RDX: variants seen among roughly 807,000 people sequenced by gnomAD.
RDX encodes radixin.
A neutral mutation model predicts 83.7 loss-of-function variants in RDX; 32 were observed. The ratio of observed to expected loss-of-function variants is 0.38; its 90% confidence interval spans 0.29 to 0.51. The LOEUF is 0.51. Ranked by LOEUF, RDX falls within the 20% of genes least tolerant of loss-of-function variation. RDX has a pLI of 0.87. For synonymous variants in RDX, 229 were observed against 222.7 expected, an observed-to-expected ratio of 1.03 and a Z score of -0.25; for missense variants, 600 against 689.9, an observed-to-expected ratio of 0.87 and a Z score of 1.46.
intron 3 of RDX, among the ~76,000 whole-genome samples, chr11:110,268,311 GGA>G (rs1055454326): frequency 1.4e-4 from 19 of 131,812 alleles, no homozygotes; most frequent in Admixed American, 3.0e-4. Context: ...TCTGTTTCGG[GGA>G]AAAAAAAAAA....
intron 2 of RDX, among the ~76,000 whole-genome samples, chr11:110,275,305 T>C (rs1860467858): frequency 6.6e-6 from 1 of 152,314 alleles, no homozygotes; most frequent in African/African-American, 2.4e-5. Flanking sequence ...ACAGGAAGAT[T>C]ATCTAGGAGG....
intron 15 of RDX, among the ~76,000 whole-genome samples, chr11:110,187,443 C>G (rs1222204627): frequency 6.6e-6 from 1 of 152,168 alleles, no homozygotes; most frequent in Non-Finnish European, 1.5e-5. Flanking sequence ...ACCCAGATAG[C>G]CTGAGTTACT....
chr11:110,259,694 C>T (rs1337171016), intron 5 of RDX, among the ~76,000 whole-genome samples: 1 of 152,190 alleles, frequency 6.6e-6, no homozygotes, highest in East Asian at 1.9e-4. Flanking sequence ...TGTCTGGCCT[C>T]TGGGCTCACA....
chr11:110,292,195 A>C (rs980131485), intron 1 of RDX, among the ~76,000 whole-genome samples: 12 of 152,042 alleles, frequency 7.9e-5, no homozygotes, highest in Non-Finnish European at 1.5e-5. Flanking sequence ...AGGGAAGCTG[A>C]GGCAGGAGAA....
At chr11:110,205,294 A>G (rs963824879) in intron 14 of RDX, among the ~76,000 whole-genome samples, 2 of 152,168 alleles carry the variant, frequency 1.3e-5, no homozygotes, top group Admixed American at 1.3e-4. Context: ...AGATGAAAAT[A>G]TAGGAAAATA....
In RDX at chr11:110,205,981, C is replaced by T. The variant is rs541732868; in HGVS notation, c.1749-6303G>A. ...TACTCGTAACAATCCTATAGCCAGA[C>T]GCAGTGGCTCATGCCTGTAATCCCA... On this transcript the variant is annotated intron_variant, in intron 14 of 15. Transcript: ENST00000528498. Among the ~76,000 whole-genome samples, 6 of 152,196 alleles carry T rather than the reference C, an allele frequency of 3.9e-5. No individual in the cohort carries two copies. The East Asian group carries it at 5.8e-4, about 15-fold the overall frequency.
chr11:110,215,047 A>ATATATAT lies in RDX; in HGVS notation c.1749-15370_1749-15369insATATATA, dbSNP rs1555033344. On this transcript the variant is annotated intron_variant, in intron 14 of 15. Transcript: ENST00000528498. ...TTTAGGAGACCTAACAAAAAAAAAA[A>ATATATAT]AAATATATATATATATATATATAAT... Among the ~76,000 whole-genome samples, 10 of 116,054 alleles carry ATATATAT rather than the reference A, an allele frequency of 8.6e-5. No homozygotes were observed. In the South Asian group the frequency reaches 2.6e-3, roughly 30 times the overall value. The allele number at this position is 116,054 out of a possible 152,430, so 76.1% of individuals were successfully genotyped here.
chr11:110,235,576 C>A lies in RDX; in HGVS notation c.1344+523G>T, dbSNP rs186261070. ...CAATCCTGTTTTGAAATCTTCTAAG[C>A]CCCAAGTCAATCGATACTCCCACTG... On this transcript the variant is annotated intron_variant, in intron 12 of 13. Transcript: ENST00000645495. Among the ~76,000 whole-genome samples the A allele has an allele frequency of 1.3e-3, 199 of 152,282 alleles. 5 individuals carry two copies. Among genetic ancestry groups the A allele is most frequent in the Admixed American group, 0.013 (192 of 15,284 alleles).
chr11:110,214,529 G>A (rs1167232215), intron 14 of RDX, among the ~76,000 whole-genome samples: 58 of 105,146 alleles, frequency 5.5e-4, no homozygotes, highest in South Asian at 1.5e-3. Flanking sequence ...CTGCTATAAA[G>A]ACACATGCAC....
Position 110,230,893 on chromosome 11 carries a change from T to G in RDX, c.*976A>C, listed in dbSNP as rs1591130618. 1 of 152,742 alleles carries G rather than the reference T, an allele frequency of 6.5e-6. No individual in the cohort carries two copies. Among genetic ancestry groups the G allele is most frequent in the East Asian group, 1.9e-4 (1 of 5,180 alleles). 9.5% of individuals were successfully genotyped at this position (152,742 alleles called of 1,614,324 possible). A position where few individuals can be genotyped will look rare whatever the true frequency, so the allele number is the denominator to read the frequency against. ...AGTCATCACAGATGTAGTAGTGAGGTAGTATTGTTGTCCCCTCCTCGGGAC... is the reference window on the plus strand; with the variant it reads ...AGTCATCACAGATGTAGTAGTGAGGGAGTATTGTTGTCCCCTCCTCGGGAC... On this transcript the variant is annotated 3_prime_UTR_variant, in exon 14 of 14. Coordinates refer to ENST00000645495, the MANE Select transcript of RDX (RefSeq NM_002906.4).
intron 14 of RDX, among the ~76,000 whole-genome samples, chr11:110,208,454 C>T (rs577537252): frequency 3.9e-5 from 6 of 152,254 alleles, no homozygotes; most frequent in African/African-American, 9.6e-5. Context: ...TCCTCAACCT[C>T]GAATTTTCTC....
chr11:110,184,531 T>G (rs912141452), intron 15 of RDX, among the ~76,000 whole-genome samples: 1 of 152,162 alleles, frequency 6.6e-6, no homozygotes, highest in East Asian at 1.9e-4. Flanking sequence ...CTGCTCTGAC[T>G]GATGGAAATC....
chr11:110,219,349 A>G (rs944442006), intron 14 of RDX, among the ~76,000 whole-genome samples: 1 of 152,252 alleles, frequency 6.6e-6, no homozygotes. Context: ...AGAATAGATT[A>G]GGCTGCAAAT....
At chr11:110,184,263 G>A (rs141409818) in intron 15 of RDX, among the ~76,000 whole-genome samples, 219 of 152,276 alleles carry the variant, frequency 1.4e-3, no homozygotes, top group African/African-American at 4.8e-3. Context: ...AAGAGAACTC[G>A]CTATATGACT....
At chr11:110,228,132 T>C (rs1261047329), downstream of RDX, among the ~76,000 whole-genome samples, 2 of 151,946 alleles carry the variant, frequency 1.3e-5, no homozygotes, top group African/African-American at 2.4e-5. Flanking sequence ...TAAGGAAAAA[T>C]TGGGAGTTAA....
chr11:110,227,088 AAAAGG>A (rs1864458757), downstream of RDX, among the ~76,000 whole-genome samples: 2 of 152,170 alleles, frequency 1.3e-5, 1 homozygote, highest in South Asian at 4.1e-4. Flanking sequence ...CAATATATAT[AAAAGG>A]AAAGTGAGGG....
At chr11:110,181,046 A>G (rs1862876907) in intron 15 of RDX, among the ~76,000 whole-genome samples, 2 of 151,996 alleles carry the variant, frequency 1.3e-5, no homozygotes, top group South Asian at 4.2e-4. Context: ...AAACTGCTTC[A>G]TTGCCCCATT....
intron 14 of RDX, among the ~76,000 whole-genome samples, chr11:110,218,487 C>T (rs918692388): frequency 2.7e-4 from 41 of 152,174 alleles, no homozygotes; most frequent in African/African-American, 9.9e-4. Flanking sequence ...ACTAAACCCA[C>T]CAATTCTTTC....
chr11:110,290,447 G>C (rs750070474), intron 1 of RDX, among the ~76,000 whole-genome samples: 6 of 151,950 alleles, frequency 3.9e-5, no homozygotes, highest in Non-Finnish European at 1.5e-5. Context: ...GGGAGGTCAA[G>C]GTCACAGTGA....
Sources: gnomAD v4.1 joint callset for allele counts (sites outside exome capture counted in the v4.1 genomes callset) on GRCh38, gnomAD v4.1.1 for gene constraint, MANE v1.5 for transcripts, NCBI Gene and HGNC (gene_info 2026-07-23, HGNC 2026-07-21) for gene names.